Variants in SORCS3 observed in about 807,000 individuals in gnomAD.
SORCS3 encodes sortilin related VPS10 domain containing receptor 3.
In SORCS3, 57 loss-of-function variants were observed where a neutral mutation model predicts 146.3. The ratio of observed to expected loss-of-function variants is 0.39; its 90% CI spans 0.31 to 0.49. The LOEUF (loss-of-function observed/expected upper bound fraction) is 0.49. Ranked by LOEUF, SORCS3 falls within the 20% of genes least tolerant of loss-of-function variation. The pLI is 0.92. For synonymous variants in SORCS3, 653 were observed against 618.5 expected (o/e 1.06, Z -0.83); for missense variants, 1,341 against 1,575.5 (o/e 0.85, Z 2.52).
At chr10:105,255,923 T>G in intron 24 of SORCS3, 122 bp downstream of exon 24, 1 of 718,182 alleles carries the variant, frequency 1.4e-6, no homozygotes, top group Non-Finnish European at 2.3e-6. Flanking sequence ...GAAGGGTCCT[T>G]TTTGTAGTTA....
chr10:104,648,577 A>C (rs1368875123), intron 1 of SORCS3, among the ~76,000 whole-genome samples: 1 of 152,196 alleles, frequency 6.6e-6, no homozygotes, highest in East Asian at 1.9e-4. Flanking sequence ...GCAGACAATG[A>C]ATAACAAGCT....
At chr10:105,034,157 C>T (rs976039172) in intron 4 of SORCS3, among the ~76,000 whole-genome samples, 1 of 152,084 alleles carries the variant, frequency 6.6e-6, no homozygotes, top group Non-Finnish European at 1.5e-5. Flanking sequence ...GCCGTGAGAG[C>T]AGATGACAGT....
At chr10:104,815,438 G>C (rs1463259974) in intron 1 of SORCS3, among the ~76,000 whole-genome samples, 1 of 101,136 alleles carries the variant, frequency 9.9e-6, no homozygotes, top group African/African-American at 4.0e-5. Flanking sequence ...GACAGAGCCA[G>C]ACCCTGTCTC....
rs2056322799 is a variant in SORCS3 at position 105,167,364 on chromosome 10, C to T, written c.1901+15C>T. 1.3e-6 allele frequency: 2 copies of T among 1,595,964 alleles called. No individual in the cohort carries two copies. Among genetic ancestry groups the T allele is most frequent in the Non-Finnish European group, 1.7e-6 (2 of 1,164,538 alleles). On this transcript the variant is annotated intron_variant, in intron 13 of 26. Coordinates refer to ENST00000369701, the MANE Select transcript of SORCS3 (RefSeq NM_014978.3). Reference sequence around the variant, plus strand: ...AGGCATTTGTGGTAAGGAGAGCTCCCTACCCTATTAATGAGCTAATGAGCA... The same window carrying T: ...AGGCATTTGTGGTAAGGAGAGCTCCTTACCCTATTAATGAGCTAATGAGCA...
intron 4 of SORCS3, among the ~76,000 whole-genome samples, chr10:105,034,554 A>G (rs2055293208): frequency 6.6e-6 from 1 of 152,066 alleles, no homozygotes; most frequent in African/African-American, 2.4e-5. Context: ...TTCATAGGGT[A>G]GGCACTGGGG....
At chr10:104,973,308 G>A (rs1297651841) in intron 3 of SORCS3, among the ~76,000 whole-genome samples, 1 of 151,370 alleles carries the variant, frequency 6.6e-6, no homozygotes, top group Non-Finnish European at 1.5e-5. Context: ...GAATTCGGCT[G>A]TGAATCCATC....
chr10:105,047,030 G>GC (rs146322847), intron 5 of SORCS3, among the ~76,000 whole-genome samples: 4 of 151,586 alleles, frequency 2.6e-5, no homozygotes, highest in African/African-American at 9.7e-5. Context: ...AAGCTTTTCT[G>GC]TTTTTTTTAA....
chr10:105,085,946 T>G (rs944935769), intron 5 of SORCS3, among the ~76,000 whole-genome samples: 5 of 152,220 alleles, frequency 3.3e-5, no homozygotes, highest in Non-Finnish European at 7.3e-5. Flanking sequence ...TTTTGGCTAT[T>G]GTCTTCATAT....
chr10:104,791,300 A>G (rs2017492934), intron 1 of SORCS3, among the ~76,000 whole-genome samples: 1 of 152,170 alleles, frequency 6.6e-6, no homozygotes, highest in South Asian at 2.1e-4. Flanking sequence ...CTGTAAACAA[A>G]CATATCAGTT....
chr10:104,970,490 G>A (rs1262620464), intron 3 of SORCS3, among the ~76,000 whole-genome samples: 1 of 152,158 alleles, frequency 6.6e-6, no homozygotes, highest in Admixed American at 6.5e-5. Flanking sequence ...GAGCACCACA[G>A]ATGCTTCCTC....
intron 7 of SORCS3, among the ~76,000 whole-genome samples, chr10:105,125,870 G>GT (rs1423580258): frequency 6.6e-6 from 1 of 152,126 alleles, no homozygotes; most frequent in Non-Finnish European, 1.5e-5. Context: ...GAGTGTGGCT[G>GT]TATGTTTCAA....
chr10:105,071,071 A>G (rs904336811), intron 5 of SORCS3, among the ~76,000 whole-genome samples: 5 of 151,976 alleles, frequency 3.3e-5, no homozygotes, highest in African/African-American at 9.7e-5. Flanking sequence ...CCATTTGGAG[A>G]GTGTAGGACT....
rs764055039 is a variant in SORCS3 at position 104,684,779 on chromosome 10, GTTTTTTTTTTTTTTTTTTTTTTTTTTTTT to G, written c.627+42851_627+42879del. ...AGGTATTGGTTGGAAAGTCCTCAGT[GTTTTTTTTTTTTTTTTTTTTTTTTTTTTT>G]TTTTTTTTTTTTTTTTTTTTTTTTT... On this transcript the variant is annotated intron_variant, in intron 1 of 26. Coordinates refer to ENST00000369701, the MANE Select transcript of SORCS3 (RefSeq NM_014978.3). Among the ~76,000 whole-genome samples, 165 of 81,546 alleles carry G rather than the reference GTTTTTTTTTTTTTTTTTTTTTTTTTTTTT, an allele frequency of 2.0e-3. 1 individual carries two copies. The highest frequency in any genetic ancestry group is 3.5e-3 in the Admixed American group (19 of 5,370). The allele number at this position is 81,546 out of a possible 152,430, so 53.5% of individuals were successfully genotyped here. A position where few individuals can be genotyped will look rare whatever the true frequency, so the allele number is the denominator to read the frequency against.
chr10:105,233,769 A>G (rs1406238548), intron 20 of SORCS3, among the ~76,000 whole-genome samples: 2 of 152,204 alleles, frequency 1.3e-5, no homozygotes, highest in East Asian at 3.8e-4. Flanking sequence ...ATAGTATTCC[A>G]TGGTGTATAT....
At chr10:104,953,978 T>A (rs2019460815) in intron 3 of SORCS3, among the ~76,000 whole-genome samples, 1 of 152,126 alleles carries the variant, frequency 6.6e-6, no homozygotes, top group Non-Finnish European at 1.5e-5. Context: ...TGTGTGCTAA[T>A]AGCTGTCTGT....
chr10:104,824,449 A>T (rs1296122398), intron 1 of SORCS3, among the ~76,000 whole-genome samples: 2 of 152,172 alleles, frequency 1.3e-5, no homozygotes, highest in Non-Finnish European at 2.9e-5. Context: ...ACATCCCCTT[A>T]GTACCAAGCA....
intron 9 of SORCS3, among the ~76,000 whole-genome samples, chr10:105,154,035 A>C (rs1181511909): frequency 7.1e-6 from 1 of 140,152 alleles, no homozygotes; most frequent in African/African-American, 2.6e-5. Context: ...GTGCCACTGC[A>C]CTCTAGCCCA....
At chr10:104,813,023 A>G (rs1409878399) in intron 1 of SORCS3, among the ~76,000 whole-genome samples, 2 of 152,194 alleles carry the variant, frequency 1.3e-5, no homozygotes, top group African/African-American at 2.4e-5. Flanking sequence ...TTCCAAAATC[A>G]TCTTAGGATA....
chr10:105,255,543 A>G (rs1564797074), intron 23 of SORCS3, among the ~76,000 whole-genome samples, 159 bp from the exon 24 acceptor site: 1 of 152,232 alleles, frequency 6.6e-6, no homozygotes, highest in Non-Finnish European at 1.5e-5. Context: ...CAAGGCCCCA[A>G]GGGCTGTGAG....
Sources: allele counts gnomAD v4.1 joint callset (sites outside exome capture counted in the v4.1 genomes callset), GRCh38; gene constraint gnomAD v4.1.1; transcripts MANE v1.5; gene names NCBI Gene and HGNC (gene_info 2026-07-23, HGNC 2026-07-21).